Variants in MTM1 observed in about 807,000 individuals in gnomAD.
MTM1 encodes the protein myotubularin 1, also known as myotubularin.
A neutral mutation model predicts 52.1 loss-of-function variants in MTM1; 9 were observed. The observed-to-expected ratio is 0.17, with a 90% CI of 0.10 to 0.30. The LOEUF is 0.30. Among genes scored for constraint, MTM1 ranks in the 10% least tolerant of loss-of-function variants. The probability of loss-of-function intolerance (pLI) is 1.00; values close to 1 mark genes in which losing one functional copy is unlikely to be tolerated. For missense variants in MTM1, 277 were observed against 470.7 expected, an observed-to-expected ratio of 0.59 and a Z score of 3.81; for synonymous variants, 136 against 163.8, an observed-to-expected ratio of 0.83 and a Z score of 1.29.
At chrX:150,626,416 C>A (rs1332880295) in intron 6 of MTM1, among the ~76,000 whole-genome samples, 1 of 111,152 alleles carries the variant, frequency 9.0e-6, no homozygotes, top group Non-Finnish European at 1.9e-5. Context: ...CCAGTTGAAG[C>A]GCTTCTCCTG....
intron 7 of MTM1, among the ~76,000 whole-genome samples, chrX:150,640,995 C>T (rs1380529071): frequency 2.7e-5 from 3 of 111,763 alleles, no homozygotes; most frequent in Non-Finnish European, 5.6e-5. Context: ...AATATGTGGA[C>T]ACAAAATAAA....
At chrX:150,656,217 G>C (rs1409719595) in intron 10 of MTM1, among the ~76,000 whole-genome samples, 1 of 111,418 alleles carries the variant, frequency 9.0e-6, no homozygotes, top group East Asian at 2.8e-4. Context: ...ACCTCAGAGC[G>C]TGACCCTATT....
intron 5 of MTM1, among the ~76,000 whole-genome samples, chrX:150,615,918 T>C (rs888956170): frequency 3.6e-5 from 4 of 111,273 alleles, no homozygotes; most frequent in African/African-American, 1.3e-4. Flanking sequence ...GTCTACCCTT[T>C]GGGGCCTAGA....
intron 4 of MTM1, among the ~76,000 whole-genome samples, chrX:150,614,091 T>C (rs1263682953): frequency 8.9e-6 from 1 of 112,127 alleles, no homozygotes; most frequent in Non-Finnish European, 1.9e-5. Flanking sequence ...CCTGATCTAA[T>C]TGGGAAGCAA....
intron 1 of MTM1, among the ~76,000 whole-genome samples, chrX:150,571,058 A>G (rs1193890165): frequency 8.9e-6 from 1 of 111,977 alleles, no homozygotes; most frequent in Non-Finnish European, 1.9e-5. Context: ...CTGAAAACAC[A>G]TGGTTCTTGC....
chrX:150,648,521 T>TG (rs782508938), intron 9 of MTM1, among the ~76,000 whole-genome samples: 1 of 112,756 alleles, frequency 8.9e-6, no homozygotes, highest in East Asian at 2.8e-4. Context: ...ACAGGCACTC[T>TG]GGAGTTAGTA....
chrX:150,668,346 TC>T (rs782317861), intron 14 of MTM1, among the ~76,000 whole-genome samples: 2 of 111,520 alleles, frequency 1.8e-5, no homozygotes, highest in South Asian at 3.8e-4. Context: ...GGATACAGGT[TC>T]TAGAAAGTGT....
intron 1 of MTM1, among the ~76,000 whole-genome samples, chrX:150,588,022 C>T (rs1305343789): frequency 1.8e-5 from 2 of 111,216 alleles, no homozygotes; most frequent in Non-Finnish European, 3.8e-5. Context: ...AAGGGAGTTT[C>T]GGGTCTGATG....
Position 150,652,658 on chromosome X carries a change from T to TACACAC in MTM1, c.1053+2789_1053+2794dup, listed in dbSNP as rs377592464. On this transcript the variant is annotated intron_variant, in intron 10 of 14. Transcript: ENST00000370396. ...ATACGTGTGTGTGTGTATATATATA[T>TACACAC]ACACACACACACACACACACACACA... 1.5e-3 allele frequency among the ~76,000 whole-genome samples: 121 copies of TACACAC among 82,463 alleles called. 2 individuals carry two copies. In the East Asian group the frequency reaches 0.017, roughly 12 times the overall value. The allele number at this position is 82,463 out of a possible 115,157, so 71.6% of individuals were successfully genotyped here. A position where few individuals can be genotyped will look rare whatever the true frequency, so the allele number is the denominator to read the frequency against.
intron 10 of MTM1, among the ~76,000 whole-genome samples, chrX:150,652,680 CACACACACACACACAT>C (rs1209738428): frequency 1.3e-4 from 12 of 94,710 alleles, no homozygotes; most frequent in Non-Finnish European, 8.5e-5. Flanking sequence ...CACACACACA[CACACACACACACACAT>C]ACATACAGAA....
intron 10 of MTM1, among the ~76,000 whole-genome samples, chrX:150,653,301 G>A (rs192080242): frequency 5.3e-4 from 59 of 111,429 alleles, no homozygotes; most frequent in Non-Finnish European, 1.0e-3. Context: ...CTTCTTGTAG[G>A]CATATCATTC....
intron 6 of MTM1, among the ~76,000 whole-genome samples, chrX:150,620,709 C>T (rs782692324): frequency 1.8e-5 from 2 of 111,808 alleles, no homozygotes; most frequent in African/African-American, 3.3e-5. Flanking sequence ...TTGATGGTTT[C>T]GTTTAGTTTA....
chrX:150,615,911 T>C (rs1316030824), intron 5 of MTM1, among the ~76,000 whole-genome samples: 1 of 111,366 alleles, frequency 9.0e-6, no homozygotes, highest in East Asian at 2.8e-4. Context: ...AGCTACTGTC[T>C]ACCCTTTGGG....
intron 12 of MTM1, among the ~76,000 whole-genome samples, chrX:150,660,043 A>G (rs1259769296): frequency 8.9e-6 from 1 of 112,162 alleles, no homozygotes; most frequent in Admixed American, 9.5e-5. Context: ...GTTTATATAC[A>G]TTTTACACTG....
intron 1 of MTM1, among the ~76,000 whole-genome samples, chrX:150,587,239 G>T (rs373693134): frequency 1.4e-3 from 151 of 111,656 alleles, no homozygotes; most frequent in Non-Finnish European, 1.7e-3. Context: ...AAGAGAATAT[G>T]ATTATTATGT....
At chrX:150,667,475 CT>C (rs2040323121) in intron 14 of MTM1, among the ~76,000 whole-genome samples, 1 of 111,670 alleles carries the variant, frequency 9.0e-6, no homozygotes, top group Admixed American at 9.5e-5. Flanking sequence ...CCGTCTCCCC[CT>C]GCTAGAAGAT....
chrX:150,632,629 A>G (rs1292042967), intron 6 of MTM1, among the ~76,000 whole-genome samples: 2 of 111,428 alleles, frequency 1.8e-5, no homozygotes, highest in African/African-American at 6.5e-5. Flanking sequence ...TAGTCACCCC[A>G]GTCCTTGATG....
At chrX:150,665,626 G>A (rs1557414901) in intron 14 of MTM1, among the ~76,000 whole-genome samples, 1 of 112,145 alleles carries the variant, frequency 8.9e-6, no homozygotes, top group African/African-American at 3.2e-5. Context: ...GCACTATGGT[G>A]GTATACTATC....
intron 13 of MTM1, among the ~76,000 whole-genome samples, chrX:150,662,517 C>A (rs1217253441): frequency 1.8e-5 from 2 of 110,247 alleles, no homozygotes; most frequent in East Asian, 5.7e-4. Flanking sequence ...AGAGACGGGG[C>A]TTCACCATGT....
Sources: gnomAD v4.1 joint callset for allele counts (sites outside exome capture counted in the v4.1 genomes callset) on GRCh38, gnomAD v4.1.1 for gene constraint, MANE v1.5 for transcripts, NCBI Gene and HGNC (gene_info 2026-07-23, HGNC 2026-07-21) for gene names.